The following UBFD1 variants were observed in gnomAD, a reference collection of about 807,000 sequenced individuals.
UBFD1 encodes ubiquitin family domain containing 1, also known as ubiquitin domain-containing protein UBFD1.
Under a neutral mutation model 35.1 loss-of-function variants are expected in UBFD1, and 12 were observed. That is an observed-to-expected ratio of 0.34 (90% CI 0.22 to 0.55). UBFD1 has a LOEUF of 0.55. Ranked by LOEUF, UBFD1 falls within the 20% of genes least tolerant of loss-of-function variation. The pLI is 0.89. For missense variants in UBFD1, 337 were observed against 410.8 expected (o/e 0.82, Z 1.55); for synonymous variants, 178 against 167.6 (o/e 1.06, Z -0.48).
At chr16:23,560,287 A>C (rs1965911300) in intron 3 of UBFD1, among the ~76,000 whole-genome samples, 1 of 152,192 alleles carries the variant, frequency 6.6e-6, no homozygotes, top group Non-Finnish European at 1.5e-5. Flanking sequence ...ATAGCCATTA[A>C]CATTCTTTCA....
At position 23,559,683 on chromosome 16, in the gene UBFD1, C is replaced by A. The variant is rs371454749; in HGVS notation, c.564+7C>A. 9.2e-5 allele frequency: 149 copies of A among 1,613,990 alleles called. No individual in the cohort carries two copies. The highest frequency in any genetic ancestry group is 1.1e-4 in the Non-Finnish European group (125 of 1,179,968). On this transcript the variant is annotated splice_region_variant and intron_variant, in intron 3 of 6. Transcript: ENST00000395878. ...GCCTCTCTGCAGGCAGAAAGTGAGT[C>A]CATCTTGTGCTTCTTGGTCTTGAGA... is the stretch of plus-strand genomic sequence containing the variant.
rs746148470 is a variant in UBFD1 at position 23,570,578 on chromosome 16, G to A, written c.918G>A (p.Trp306Ter). 3.7e-6 allele frequency: 6 copies of A among 1,613,840 alleles called. No homozygotes were observed. The highest frequency in any genetic ancestry group is 5.1e-6 in the Non-Finnish European group (6 of 1,179,826). ...TCAAAGACACTGTGCTGGGGAAATG[G>A]CAGTATTTTTGAAAGCACTTTCACC... ...DAIKDTVLGK[W>*]QYF Residue 306 changes from tryptophan to a stop codon, truncating the protein, a stop_gained, in exon 7 of 7, where the codon TGG (tryptophan) becomes TGA (stop). Coordinates refer to ENST00000395878, the MANE Select transcript of UBFD1 (RefSeq NM_019116.3). LOFTEE classifies it high-confidence loss of function.
At chr16:23,558,794 T>TTC (rs1555505588) in intron 2 of UBFD1, among the ~76,000 whole-genome samples, 1 of 151,772 alleles carries the variant, frequency 6.6e-6, no homozygotes, top group Non-Finnish European at 1.5e-5. Flanking sequence ...TTTTTTTTTT[T>TTC]TTTTGAGACG....
chr16:23,559,508 C>T lies in UBFD1; in HGVS notation c.396C>T (p.Leu132=), dbSNP rs759699801. 1.9e-5 allele frequency: 31 copies of T among 1,613,944 alleles called. No individual in the cohort carries two copies. In the Admixed American group the frequency reaches 3.2e-4, roughly 16 times the overall value. ...PAMQKVMYKG[L]VPEDKTLREI... ...TGCAGAAAGTCATGTATAAGGGACTCGTCCCCGAGGATAAAACATTGAGAG... is the reference window on the plus strand; with the variant it reads ...TGCAGAAAGTCATGTATAAGGGACTTGTCCCCGAGGATAAAACATTGAGAG... Residue 132 remains leucine (L), a synonymous_variant, in exon 3 of 7, where the codon CTC becomes CTT. Coordinates refer to ENST00000395878, the MANE Select transcript of UBFD1 (RefSeq NM_019116.3).
rs569659562 is a variant in UBFD1 at position 23,558,179 on chromosome 16, G to A, written c.255G>A (p.Leu85=). 4 of 1,607,644 alleles carry A rather than the reference G, an allele frequency of 2.5e-6. No individual in the cohort carries two copies. Among genetic ancestry groups the A allele is most frequent in the East Asian group, 2.3e-5 (1 of 44,046 alleles). Residue 85 remains leucine, a synonymous_variant, in exon 2 of 7, where the codon CTG becomes CTA. Coordinates refer to ENST00000395878, the MANE Select transcript of UBFD1 (RefSeq NM_019116.3). ...CGGGCGGCGGCGCGGGCAGGGAGCT[G>A]GTGGACTTGAAGATCATCTGGAATA... ...EDAGGGAGRE[L]VDLKIIWNKT... is the part of the protein sequence containing the mutation.
rs152454 is a variant in UBFD1, at chr16:23,571,790, T to C, written c.*1200T>C. 0.15 allele frequency: 22,284 copies of C among 152,698 alleles called. 1,819 individuals carry two copies. The highest frequency in any genetic ancestry group is 0.29 in the East Asian group (1,503 of 5,186). 9.5% of individuals were successfully genotyped at this position (152,698 alleles called of 1,614,324 possible). A position where few individuals can be genotyped will look rare whatever the true frequency, so the allele number is the denominator to read the frequency against. ...ACAAAAATGGGATAAATTGCTTTCA[T>C]GATTAGCTCACCTTCTTCTGGTTTT... is the stretch of plus-strand genomic sequence containing the variant. On this transcript the variant is annotated 3_prime_UTR_variant, in exon 7 of 7. Transcript: ENST00000395878.
At chr16:23,562,017 A>G (rs1965942299) in intron 3 of UBFD1, 189 bp from the exon 4 acceptor site, 1 of 573,248 alleles carries the variant, frequency 1.7e-6, no homozygotes, top group Non-Finnish European at 3.1e-6. Flanking sequence ...ACAGGTACGA[A>G]CATATTCGCC....
At chr16:23,569,416 A>T (rs1047595340) in intron 6 of UBFD1, 2 of 151,964 alleles carry the variant, frequency 1.3e-5, no homozygotes, top group African/African-American at 4.8e-5. Context: ...TTAGCTGGGC[A>T]TGGTGGCGCG....
rs1486315479 is a variant in UBFD1 at position 23,557,941 on chromosome 16, C to A, written c.26-9C>A. 7.4e-7 allele frequency: 1 copy of A among 1,342,764 alleles called. No individual in the cohort carries two copies. The highest frequency in any genetic ancestry group is 2.9e-5 in the East Asian group (1 of 34,640). The allele number at this position is 1,342,764 out of a possible 1,614,324, so 83.2% of individuals were successfully genotyped here. A position where few individuals can be genotyped will look rare whatever the true frequency, so the allele number is the denominator to read the frequency against. On this transcript the variant is annotated splice_polypyrimidine_tract_variant and intron_variant, in intron 1 of 6. Coordinates refer to ENST00000395878, the MANE Select transcript of UBFD1 (RefSeq NM_019116.3). ...CGCGGCGAGCGCCCACCCCCTAACCCCCTTGCAGGCATGGAGGAACCTGGC... is the reference window on the plus strand; with the variant it reads ...CGCGGCGAGCGCCCACCCCCTAACCACCTTGCAGGCATGGAGGAACCTGGC...
intron 6 of UBFD1, among the ~76,000 whole-genome samples, 188 bp downstream of exon 6, chr16:23,567,257 T>C (rs1290622565): frequency 6.6e-6 from 1 of 152,176 alleles, no homozygotes. Flanking sequence ...GTTCTGTTTA[T>C]TTTACACCCC....
intron 5 of UBFD1, chr16:23,564,762 T>C (rs555066737): frequency 6.6e-6 from 1 of 152,358 alleles, no homozygotes; most frequent in East Asian, 1.9e-4. Context: ...TTGGGGAATA[T>C]TTCTGTGTCA....
intron 6 of UBFD1, among the ~76,000 whole-genome samples, chr16:23,570,138 G>T (rs1042688434): frequency 1.3e-5 from 2 of 152,150 alleles, no homozygotes; most frequent in Non-Finnish European, 2.9e-5. Context: ...CAGTAGTGTT[G>T]CATCACCTGG....
rs1965992905 is a variant in UBFD1, at chr16:23,565,170, C to T, written c.737-1817C>T. The T allele has an allele frequency of 2.0e-5, 3 of 152,256 alleles. No homozygotes were observed. In the South Asian group the frequency reaches 6.2e-4, roughly 32 times the overall value. 9.4% of individuals were successfully genotyped at this position (152,256 alleles called of 1,614,324 possible). ...GCTGCTAGCCACTGGCTTCGTCTTT[C>T]TGCTGGCAAGAAGAAGCGGCTATGG... is the stretch of plus-strand genomic sequence containing the variant. On this transcript the variant is annotated intron_variant, in intron 5 of 6. Transcript: ENST00000395878.
In UBFD1 at chr16:23,573,206, G is replaced by C. The variant is rs906179982; in HGVS notation, c.*2616G>C. 6.6e-6 allele frequency: 1 copy of C among 152,056 alleles called. No homozygotes were observed. Among genetic ancestry groups the C allele is most frequent in the Non-Finnish European group, 1.5e-5 (1 of 68,022 alleles). 9.4% of individuals were successfully genotyped at this position (152,056 alleles called of 1,614,324 possible). The stretch of plus-strand genomic sequence containing the variant: ...TCTTTCCCTCACTGTGGCAGGGGCC[G>C]TGCAGGTGGATAAAGGAAGAGCTGG... On this transcript the variant is annotated 3_prime_UTR_variant, in exon 7 of 7. Transcript: ENST00000395878.
At chr16:23,560,166 T>C (rs555435338) in intron 3 of UBFD1, among the ~76,000 whole-genome samples, 13 of 152,294 alleles carry the variant, frequency 8.5e-5, no homozygotes, top group African/African-American at 2.9e-4. Context: ...ACAACTACAC[T>C]GATGGATTTG....
chr16:23,564,580 T>G (rs1255687902), intron 5 of UBFD1: 1 of 152,214 alleles, frequency 6.6e-6, no homozygotes, highest in African/African-American at 2.4e-5. Flanking sequence ...CTCATCACAT[T>G]CACTTGCTGA....
At chr16:23,570,217 G>T (rs1030847074) in intron 6 of UBFD1, among the ~76,000 whole-genome samples, 2 of 152,160 alleles carry the variant, frequency 1.3e-5, no homozygotes, top group Non-Finnish European at 2.9e-5. Flanking sequence ...GTTGGAGCCT[G>T]CTGATCCATG....
At chr16:23,562,599 C>T in intron 4 of UBFD1, 26 bp from the exon 5 acceptor site, 4 of 1,607,658 alleles carry the variant, frequency 2.5e-6, no homozygotes, top group African/African-American at 1.3e-5. Context: ...GTCCCTCCAT[C>T]TCTTACCATT....
chr16:23,566,947 A>G, intron 5 of UBFD1, 40 bp from the exon 6 acceptor site: 1 of 1,591,670 alleles, frequency 6.3e-7, no homozygotes, highest in Non-Finnish European at 8.6e-7. Context: ...TTAGAACAGG[A>G]GGGCCCTTTG....
Sources: allele counts gnomAD v4.1 joint callset (sites outside exome capture counted in the v4.1 genomes callset), GRCh38; gene constraint gnomAD v4.1.1; transcripts MANE v1.5; gene names NCBI Gene and HGNC (gene_info 2026-07-23, HGNC 2026-07-21).